Variants in IL23R observed in about 807,000 individuals in gnomAD.
IL23R encodes interleukin 23 receptor.
A neutral mutation model predicts 56.9 loss-of-function variants in IL23R; 34 were observed. The ratio of observed to expected loss-of-function variants is 0.60; its 90% CI spans 0.45 to 0.80. The LOEUF (loss-of-function observed/expected upper bound fraction) is 0.80. IL23R is among the 30% of genes least tolerant of loss of function. The probability of loss-of-function intolerance (pLI) is 0.00; values close to 1 mark genes in which losing one functional copy is unlikely to be tolerated. For missense variants in IL23R, 635 were observed against 730.0 expected (o/e 0.87, Z 1.50); for synonymous variants, 230 against 249.2 (o/e 0.92, Z 0.73).
chr1:67,177,289 G>A (rs1219614188), intron 3 of IL23R, among the ~76,000 whole-genome samples: 1 of 152,096 alleles, frequency 6.6e-6, no homozygotes, highest in Non-Finnish European at 1.5e-5. Context: ...GTTGTTTCCT[G>A]ACTTTTTAAT....
At chr1:67,214,497 T>G (rs1180228258) in intron 6 of IL23R, among the ~76,000 whole-genome samples, 2 of 152,214 alleles carry the variant, frequency 1.3e-5, no homozygotes, top group African/African-American at 4.8e-5. Context: ...ATTTGCCACT[T>G]CTGACAAAGA....
chr1:67,192,112 C>A (rs1053010076), intron 4 of IL23R, among the ~76,000 whole-genome samples: 1 of 152,050 alleles, frequency 6.6e-6, no homozygotes, highest in Non-Finnish European at 1.5e-5. Context: ...CTTTTATTAC[C>A]AAAAAGGAAT....
chr1:67,187,539 G>A (rs1476830645), intron 4 of IL23R, among the ~76,000 whole-genome samples: 1 of 151,878 alleles, frequency 6.6e-6, no homozygotes, highest in Non-Finnish European at 1.5e-5. Flanking sequence ...ATTTACACAT[G>A]ACTTTTGAGG....
intron 5 of IL23R, among the ~76,000 whole-genome samples, chr1:67,204,150 G>C (rs1351400050): frequency 6.6e-6 from 1 of 151,794 alleles, no homozygotes; most frequent in African/African-American, 2.4e-5. Flanking sequence ...TGCAAGCTCC[G>C]CCTTCCGGGT....
chr1:67,220,448 A>G (rs1330318219), intron 7 of IL23R, among the ~76,000 whole-genome samples: 1 of 151,822 alleles, frequency 6.6e-6, no homozygotes, highest in South Asian at 2.1e-4. Context: ...TTTTCTCTTT[A>G]CCTTTGACCA....
At chr1:67,176,103 G>A (rs1570783612) in intron 3 of IL23R, among the ~76,000 whole-genome samples, 1 of 152,174 alleles carries the variant, frequency 6.6e-6, no homozygotes, top group African/African-American at 2.4e-5. Flanking sequence ...TGAAGAGAAA[G>A]TCATCAATGA....
At chr1:67,178,617 A>T (rs984010989) in intron 3 of IL23R, among the ~76,000 whole-genome samples, 19 of 152,140 alleles carry the variant, frequency 1.2e-4, no homozygotes, top group South Asian at 8.3e-4. Flanking sequence ...TATTTCCTTC[A>T]CCTGCCTGAT....
intron 7 of IL23R, among the ~76,000 whole-genome samples, chr1:67,228,364 T>C (rs1435075700): frequency 2.1e-4 from 2 of 9,522 alleles, no homozygotes. Context: ...TTTTTCTTCC[T>C]TTTTTTTTTT....
At chr1:67,211,713 G>T (rs1649488536) in intron 6 of IL23R, among the ~76,000 whole-genome samples, 1 of 151,962 alleles carries the variant, frequency 6.6e-6, no homozygotes, top group Non-Finnish European at 1.5e-5. Flanking sequence ...AAAATAGAAA[G>T]GAATTATATT....
At position 67,259,036 on chromosome 1, in the gene IL23R, AT is replaced by A; in HGVS notation, c.1799del (p.Ile600ThrfsTer2). On this transcript the variant is annotated frameshift_variant, in exon 11 of 11. Coordinates refer to ENST00000347310, the MANE Select transcript of IL23R (RefSeq NM_144701.3). LOFTEE classifies it high-confidence loss of function. The part of the protein sequence containing the change: ...LPDEFVSCLG[I>X]VNEELPSINT... ...TGATGAATTTGTCTCCTGTTTGGGGATCGTGAATGAGGAGTTGCCATCTATT... is the reference window on the plus strand; with the variant it reads ...TGATGAATTTGTCTCCTGTTTGGGGACGTGAATGAGGAGTTGCCATCTATT... The A allele has an allele frequency of 6.2e-7, 1 of 1,613,996 alleles. No individual in the cohort carries two copies. Among genetic ancestry groups the A allele is most frequent in the Non-Finnish European group, 8.5e-7 (1 of 1,179,966 alleles).
rs185197773 is a variant in IL23R at position 67,140,599 on chromosome 1, G to T, written c.-634+1438G>T. ...TACTGGTTGAACTGTACATTGTTAGGATGGGAATTTACAGTTTATGTAAAA... is the reference window on the plus strand; with the variant it reads ...TACTGGTTGAACTGTACATTGTTAGTATGGGAATTTACAGTTTATGTAAAA... On this transcript the variant is annotated intron_variant, in intron 1 of 10. Transcript: ENST00000637002. 5.9e-5 allele frequency among the ~76,000 whole-genome samples: 9 copies of T among 152,248 alleles called. No homozygotes were observed. In the East Asian group the frequency reaches 1.7e-3, roughly 29 times the overall value.
intron 6 of IL23R, among the ~76,000 whole-genome samples, chr1:67,212,662 C>T (rs1405294099): frequency 6.6e-6 from 1 of 151,636 alleles, no homozygotes; most frequent in East Asian, 1.9e-4. Flanking sequence ...CCTCCTGCCT[C>T]AGTCTCCCAA....
At chr1:67,163,685 TC>T (rs1288225920), upstream of IL23R, among the ~76,000 whole-genome samples, 1 of 151,844 alleles carries the variant, frequency 6.6e-6, no homozygotes, top group African/African-American at 2.4e-5. Context: ...GTGTGGCACC[TC>T]CCCCTGCTCC....
intron 1 of IL23R, among the ~76,000 whole-genome samples, chr1:67,139,434 C>A (rs1349746365): frequency 6.6e-6 from 1 of 152,180 alleles, no homozygotes; most frequent in Non-Finnish European, 1.5e-5. Context: ...ACAGTCCACA[C>A]AACATAGCTC....
At chr1:67,261,092 T>C (rs1653189193), downstream of IL23R, among the ~76,000 whole-genome samples, 1 of 151,892 alleles carries the variant, frequency 6.6e-6, no homozygotes, top group Non-Finnish European at 1.5e-5. Flanking sequence ...CTTTTTTTTT[T>C]TTTGATAAAA....
At chr1:67,156,265 AG>A (rs751327346) in intron 1 of IL23R, among the ~76,000 whole-genome samples, 12 of 152,190 alleles carry the variant, frequency 7.9e-5, no homozygotes, top group Admixed American at 3.3e-4. Context: ...CAGGAGGCAC[AG>A]GGGTCAGGGA....
At chr1:67,155,458 G>A (rs896560777) in intron 1 of IL23R, among the ~76,000 whole-genome samples, 9 of 152,100 alleles carry the variant, frequency 5.9e-5, no homozygotes, top group African/African-American at 2.2e-4. Flanking sequence ...TTCTTACATA[G>A]TCCCATATTT....
chr1:67,234,187 G>A (rs926405723), intron 7 of IL23R, among the ~76,000 whole-genome samples: 1 of 152,154 alleles, frequency 6.6e-6, no homozygotes, highest in Non-Finnish European at 1.5e-5. Context: ...CCACGTGGTG[G>A]CAGTATTCCA....
intron 9 of IL23R, among the ~76,000 whole-genome samples, chr1:67,246,034 G>A (rs1362789916): frequency 6.6e-6 from 1 of 152,052 alleles, no homozygotes; most frequent in African/African-American, 2.4e-5. Flanking sequence ...CTGGTTTAGT[G>A]TTGGGAAGGT....
Sources: gnomAD v4.1 joint callset for allele counts (sites outside exome capture counted in the v4.1 genomes callset) on GRCh38, gnomAD v4.1.1 for gene constraint, MANE v1.5 for transcripts, NCBI Gene and HGNC (gene_info 2026-07-23, HGNC 2026-07-21) for gene names.